Variants in POLN observed in about 807,000 individuals in gnomAD.
POLN encodes the protein DNA polymerase nu.
POLN carries 108 observed loss-of-function variants against 113.5 expected under a neutral mutation model. The ratio of observed to expected loss-of-function variants is 0.95; its 90% CI spans 0.81 to 1.12. The LOEUF is 1.12. POLN is among the 50% of genes most tolerant of loss of function. The probability of loss-of-function intolerance (pLI) is 0.00; values close to 1 mark genes in which losing one functional copy is unlikely to be tolerated. For missense variants in POLN, 1,097 were observed against 1,077.1 expected (o/e 1.02, Z -0.26); for synonymous variants, 386 against 391.5 (o/e 0.99, Z 0.17).
chr4:2,241,953 C>A, intron 1 of POLN, 98 bp downstream of exon 1: 1 of 985,428 alleles, frequency 1.0e-6, no homozygotes, highest in Non-Finnish European at 1.2e-6. Context: ...CCCCCAGGAG[C>A]GCAGGAAAAA....
chr4:2,116,711 A>G (rs1731326107), intron 19 of POLN, among the ~76,000 whole-genome samples: 1 of 152,212 alleles, frequency 6.6e-6, no homozygotes, highest in African/African-American at 2.4e-5. Context: ...CCAGGACCCC[A>G]AACTATAAGG....
At chr4:2,121,427 T>A (rs1731437273) in intron 19 of POLN, among the ~76,000 whole-genome samples, 1 of 94,512 alleles carries the variant, frequency 1.1e-5, no homozygotes, top group Non-Finnish European at 2.5e-5. Context: ...AGAGCGAGAC[T>A]CTGTCTCAAA....
At chr4:2,193,369 C>T in intron 6 of POLN, 53 bp from the exon 7 acceptor site, 1 of 1,269,780 alleles carries the variant, frequency 7.9e-7, no homozygotes, top group East Asian at 2.5e-5. Flanking sequence ...GGATTTTCGA[C>T]CTTGGAAAAA....
At chr4:2,158,366 G>C (rs1309420682) in intron 14 of POLN, among the ~76,000 whole-genome samples, 1 of 152,172 alleles carries the variant, frequency 6.6e-6, no homozygotes, top group African/African-American at 2.4e-5. Flanking sequence ...GTGGTACCAG[G>C]ATTAAATAAC....
intron 10 of POLN, among the ~76,000 whole-genome samples, chr4:2,174,257 G>C (rs1732940021): frequency 6.6e-6 from 1 of 152,244 alleles, no homozygotes; most frequent in African/African-American, 2.4e-5. Flanking sequence ...GCACTGGCCA[G>C]CCTGGCCCTT....
chr4:2,217,695 T>C (rs564474666), intron 3 of POLN, among the ~76,000 whole-genome samples: 33 of 152,376 alleles, frequency 2.2e-4, no homozygotes, highest in African/African-American at 7.0e-4. Context: ...GGAGTCTGCA[T>C]TGAGATTCTT....
At chr4:2,181,828 G>A (rs1733150103) in intron 7 of POLN, among the ~76,000 whole-genome samples, 1 of 151,998 alleles carries the variant, frequency 6.6e-6, no homozygotes, top group Non-Finnish European at 1.5e-5. Flanking sequence ...GTGAAACCCT[G>A]TCTCTACTAA....
chr4:2,240,042 C>T, intron 2 of POLN: 1 of 1,610,144 alleles, frequency 6.2e-7, no homozygotes, highest in Admixed American at 1.7e-5. Flanking sequence ...GCTTACCTTG[C>T]TGGTTAGGCT....
intron 2 of POLN, chr4:2,231,919 A>G: frequency 1.8e-6 from 2 of 1,116,102 alleles, no homozygotes; most frequent in South Asian, 1.4e-5. Context: ...TTCAGTTTTC[A>G]GTAATTTTCA....
intron 16 of POLN, among the ~76,000 whole-genome samples, chr4:2,133,044 A>C (rs1454449421): frequency 2.0e-5 from 3 of 151,854 alleles, no homozygotes; most frequent in African/African-American, 7.3e-5. Context: ...AGTGGATCCC[A>C]CCTGTAATCC....
At chr4:2,157,722 C>CAAAAAAAAAAAAAAA (rs71644319) in intron 15 of POLN, 136 bp downstream of exon 15, 1 of 131,816 alleles carries the variant, frequency 7.6e-6, no homozygotes, top group Non-Finnish European at 1.4e-5. Flanking sequence ...GACTCTGTCT[C>CAAAAAAAAAAAAAAA]AAAAAAAAAA....
intron 20 of POLN, chr4:2,090,029 G>T: frequency 2.3e-6 from 2 of 881,476 alleles, no homozygotes; most frequent in South Asian, 1.5e-5. Flanking sequence ...AGTAAACAGT[G>T]ACTTGGAACT....
At chr4:2,187,175 AG>A (rs1198116621) in intron 7 of POLN, among the ~76,000 whole-genome samples, 1 of 152,248 alleles carries the variant, frequency 6.6e-6, no homozygotes, top group African/African-American at 2.4e-5. Flanking sequence ...AAGCAGAGCA[AG>A]AGCAAGGAAT....
In POLN at chr4:2,094,036, C is replaced by T. The variant is rs34669628; in HGVS notation, c.2065+1815G>A. 4.7e-3 allele frequency among the ~76,000 whole-genome samples: 714 copies of T among 152,202 alleles called. 2 individuals carry two copies. Among genetic ancestry groups the T allele is most frequent in the African/African-American group, 0.016 (649 of 41,524 alleles). On this transcript the variant is annotated intron_variant, in intron 20 of 25. Coordinates refer to ENST00000511885, the MANE Select transcript of POLN (RefSeq NM_181808.4). ...TGTGGCAAGGAGCTGAGACCACCTCCGGCTGACAGCCAGCAAGAAACAGAA... is the reference window on the plus strand; with the variant it reads ...TGTGGCAAGGAGCTGAGACCACCTCTGGCTGACAGCCAGCAAGAAACAGAA...
intron 2 of POLN, chr4:2,231,969 TA>T: frequency 6.8e-7 from 1 of 1,464,972 alleles, no homozygotes; most frequent in Non-Finnish European, 9.4e-7. Context: ...ATTGAGTTTC[TA>T]AATTCTCCAC....
chr4:2,172,042 G>T (rs1014073761), intron 11 of POLN, among the ~76,000 whole-genome samples: 1 of 151,934 alleles, frequency 6.6e-6, no homozygotes, highest in Non-Finnish European at 1.5e-5. Flanking sequence ...TATAAAAATG[G>T]GCAAAAGACT....
chr4:2,091,840 A>C, intron 20 of POLN, among the ~76,000 whole-genome samples: 1 of 149,484 alleles, frequency 6.7e-6, no homozygotes, highest in African/African-American at 2.5e-5. Flanking sequence ...GACAGTCTTC[A>C]CTCCCTTCAC....
intron 4 of POLN, among the ~76,000 whole-genome samples, chr4:2,211,982 T>C (rs1439803178): frequency 6.6e-6 from 1 of 152,096 alleles, no homozygotes; most frequent in Non-Finnish European, 1.5e-5. Flanking sequence ...CTGTGGAAGA[T>C]GCCTCTTCCC....
intron 2 of POLN, chr4:2,240,842 T>C (rs1308705072): frequency 1.9e-6 from 3 of 1,613,534 alleles, no homozygotes; most frequent in Non-Finnish European, 2.5e-6. Context: ...ACGATTCATC[T>C]TCAACGCCCT....
Sources: allele counts gnomAD v4.1 joint callset (sites outside exome capture counted in the v4.1 genomes callset), GRCh38; gene constraint gnomAD v4.1.1; transcripts MANE v1.5; gene names NCBI Gene and HGNC (gene_info 2026-07-23, HGNC 2026-07-21).